The following VPS13A variants were observed in gnomAD, a reference collection of about 807,000 sequenced individuals.
VPS13A encodes the protein intermembrane lipid transfer protein VPS13A.
In VPS13A, 264 loss-of-function variants were observed where a neutral mutation model predicts 390.9. That is an observed-to-expected ratio of 0.68 (90% CI 0.61 to 0.75). The LOEUF (loss-of-function observed/expected upper bound fraction) is 0.75. Among genes scored for constraint, VPS13A ranks in the 30% least tolerant of loss-of-function variants. VPS13A has a pLI of 0.00. For missense variants in VPS13A, 3,409 were observed against 3,733.9 expected (o/e 0.91, Z 2.27); for synonymous variants, 1,231 against 1,227.1 (o/e 1.00, Z -0.07).
intron 22 of VPS13A, among the ~76,000 whole-genome samples, chr9:77,253,875 A>T (rs1041938323): frequency 6.8e-6 from 1 of 146,122 alleles, no homozygotes; most frequent in Admixed American, 6.8e-5. Flanking sequence ...TTTTATTTAG[A>T]TCTTTGATCC....
Position 77,340,169 on chromosome 9 carries a change from T to A in VPS13A, c.6775-9T>A, listed in dbSNP as rs539657925. On this transcript the variant is annotated splice_polypyrimidine_tract_variant and intron_variant, in intron 48 of 71. Transcript: ENST00000360280. ...AAATTGTGATGTATTTGGAATATTT[T>A]TTTCCTAGGTTCAACTTATGGTAAC... The A allele has an allele frequency of 6.2e-7, 1 of 1,610,818 alleles. No individual in the cohort carries two copies. The highest frequency in any genetic ancestry group is 1.3e-5 in the African/African-American group (1 of 74,976).
At chr9:77,388,966 C>CAA (rs1833798305) in intron 68 of VPS13A, among the ~76,000 whole-genome samples, 1 of 152,028 alleles carries the variant, frequency 6.6e-6, no homozygotes, top group Non-Finnish European at 1.5e-5. Flanking sequence ...CAGTTGACAA[C>CAA]TTTAGTATTT....
intron 59 of VPS13A, 63 bp downstream of exon 59, chr9:77,360,704 T>G: frequency 1.6e-6 from 2 of 1,261,718 alleles, no homozygotes; most frequent in South Asian, 1.3e-5. Flanking sequence ...TTATAAATTT[T>G]TAAAGGTATT....
Position 77,354,060 on chromosome 9 carries a change from G to C in VPS13A, c.7652+419G>C, listed in dbSNP as rs147496520. ...AAGATCTAATAAGATCTAATAAGGT[G>C]ATCACTGTATTTATCATTTCTCGTA... On this transcript the variant is annotated intron_variant, in intron 54 of 71. Transcript: ENST00000360280. 1.2e-3 allele frequency among the ~76,000 whole-genome samples: 187 copies of C among 152,078 alleles called. 1 individual carries two copies. The highest frequency in any genetic ancestry group is 4.2e-3 in the African/African-American group (174 of 41,528).
intron 6 of VPS13A, among the ~76,000 whole-genome samples, chr9:77,210,220 C>T (rs1825898454): frequency 1.2e-5 from 1 of 85,598 alleles, no homozygotes; most frequent in African/African-American, 4.8e-5. Context: ...CTCCTCTTCT[C>T]TCCCCTCCCC....
intron 1 of VPS13A, among the ~76,000 whole-genome samples, chr9:77,189,474 A>G (rs942779265): frequency 3.9e-5 from 6 of 152,062 alleles, no homozygotes; most frequent in Admixed American, 1.3e-4. Context: ...CTGTTTTTGT[A>G]TCAGTGCCAT....
chr9:77,200,054 C>G, intron 2 of VPS13A, 66 bp downstream of exon 2: 1 of 1,326,410 alleles, frequency 7.5e-7, no homozygotes, highest in Non-Finnish European at 1.1e-6. Context: ...CTTCCTGATT[C>G]AGTTTGTCAC....
At chr9:77,411,240 C>T (rs1249469098) in intron 71 of VPS13A, among the ~76,000 whole-genome samples, 5 of 152,138 alleles carry the variant, frequency 3.3e-5, no homozygotes, top group South Asian at 2.1e-4. Context: ...TTGAAACCAA[C>T]GAGAACAAAG....
At chr9:77,393,801 G>C (rs117777275) in intron 68 of VPS13A, among the ~76,000 whole-genome samples, 1 of 151,966 alleles carries the variant, frequency 6.6e-6, no homozygotes, top group Non-Finnish European at 1.5e-5. Context: ...ACGGAGTCTC[G>C]CTCTGTCACC....
chr9:77,342,086 G>A (rs189020787), intron 50 of VPS13A, among the ~76,000 whole-genome samples: 58 of 152,226 alleles, frequency 3.8e-4, no homozygotes, highest in African/African-American at 1.3e-3. Flanking sequence ...GGACTCATTG[G>A]AGTGACATTT....
chr9:77,337,796 C>A, intron 47 of VPS13A: 1 of 354,902 alleles, frequency 2.8e-6, no homozygotes, highest in Non-Finnish European at 5.0e-6. Context: ...AGATTGTATA[C>A]TTTGTGAAGT....
At chr9:77,405,210 T>C (rs1213365062) in intron 69 of VPS13A, among the ~76,000 whole-genome samples, 2 of 152,182 alleles carry the variant, frequency 1.3e-5, no homozygotes, top group East Asian at 3.9e-4. Context: ...TCCTCTAAAA[T>C]TGGCAGTAAT....
At chr9:77,407,402 G>T in intron 70 of VPS13A, 131 bp from the exon 71 acceptor site, 1 of 662,500 alleles carries the variant, frequency 1.5e-6, no homozygotes, top group Non-Finnish European at 2.6e-6. Flanking sequence ...CCTCATTCTT[G>T]TCTTTTTTAA....
In VPS13A at chr9:77,283,575, T is replaced by C. The variant is rs771078082; in HGVS notation, c.3264T>C (p.Pro1088=). ...EGLDSEMIMR[P]SETEINAKLR... Reference sequence around the variant, plus strand: ...TTGATTCTGAGATGATTATGAGGCCTTCAGAAACTGAAATAAACGCAAAGC... The same window carrying C: ...TTGATTCTGAGATGATTATGAGGCCCTCAGAAACTGAAATAAACGCAAAGC... Residue 1088 remains proline (P), a synonymous_variant, in exon 31 of 72, where the codon CCT becomes CCC. Transcript: ENST00000360280. The C allele has an allele frequency of 5.6e-6, 9 of 1,613,522 alleles. No individual in the cohort carries two copies. The highest frequency in any genetic ancestry group is 7.6e-6 in the Non-Finnish European group (9 of 1,179,674).
At chr9:77,303,657 G>C (rs905236122) in intron 34 of VPS13A, among the ~76,000 whole-genome samples, 2 of 152,042 alleles carry the variant, frequency 1.3e-5, no homozygotes, top group African/African-American at 4.8e-5. Flanking sequence ...AAAGCAGGGT[G>C]GTAATAAGGA....
intron 5 of VPS13A, among the ~76,000 whole-genome samples, chr9:77,206,822 C>A (rs140710308): frequency 2.0e-5 from 3 of 152,078 alleles, no homozygotes. Context: ...AAAAAGTTTA[C>A]TGACTTCACT....
At chr9:77,246,329 A>T (rs961168883) in intron 19 of VPS13A, among the ~76,000 whole-genome samples, 12 of 152,172 alleles carry the variant, frequency 7.9e-5, no homozygotes, top group African/African-American at 2.9e-4. Context: ...TTTAAGCTTT[A>T]TAATTGTATA....
rs150593480 is a variant in VPS13A, at chr9:77,331,675, A to T, written c.5992-335A>T. On this transcript the variant is annotated intron_variant, in intron 45 of 71. Transcript: ENST00000360280. ...TATCATATAAATATTTAAAATTTTG[A>T]TTTTTTTCTGTGAATTTTTTTCTAC... is the stretch of plus-strand genomic sequence containing the variant. Among the ~76,000 whole-genome samples the T allele has an allele frequency of 5.8e-3, 875 of 151,686 alleles. 11 individuals carry two copies. The highest frequency in any genetic ancestry group is 0.02 in the African/African-American group (844 of 41,412).
chr9:77,220,324 A>G lies in VPS13A; in HGVS notation c.930A>G (p.Gln310=). Residue 310 remains glutamine (Q), a synonymous_variant, in exon 12 of 72, where the codon CAA becomes CAG. Coordinates refer to ENST00000360280, the MANE Select transcript of VPS13A (RefSeq NM_033305.3). The part of the protein sequence containing the change: ...ELLESVDMMA[Q]NLPYRKFKPD... ...TTGAATCAGTTGATATGATGGCACA[A>G]AATCTGCCATATAGGAAGTTCAAAC... The G allele has an allele frequency of 1.9e-6, 3 of 1,612,808 alleles. No homozygotes were observed. The South Asian group carries it at 3.3e-5, about 18-fold the overall frequency.
Sources: allele counts gnomAD v4.1 joint callset (sites outside exome capture counted in the v4.1 genomes callset), GRCh38; gene constraint gnomAD v4.1.1; transcripts MANE v1.5; gene names NCBI Gene and HGNC (gene_info 2026-07-23, HGNC 2026-07-21).